SPATA9: variants seen among roughly 807,000 people sequenced by gnomAD.
SPATA9 encodes the protein spermatogenesis associated 9, also known as spermatogenesis-associated protein 9.
Under a neutral mutation model 25.5 loss-of-function variants are expected in SPATA9, and 27 were observed. That is an observed-to-expected ratio of 1.06 (90% CI 0.78 to 1.46). The LOEUF (loss-of-function observed/expected upper bound fraction) is 1.46. Among genes scored for constraint, SPATA9 ranks in the 40% most tolerant of loss-of-function variants. The pLI, the probability that SPATA9 is intolerant of heterozygous loss-of-function variation, is 0.00. For synonymous variants in SPATA9, 102 were observed against 105.7 expected (o/e 0.97, Z 0.21); for missense variants, 282 against 297.5 (o/e 0.95, Z 0.38).
At chr5:95,669,151 A>T (rs1270706978) in intron 3 of SPATA9, among the ~76,000 whole-genome samples, 1 of 152,340 alleles carries the variant, frequency 6.6e-6, no homozygotes, top group East Asian at 1.9e-4. Context: ...CAGTGTTAAC[A>T]TTCTGTAGAA....
the SPATA9 span, among the ~76,000 whole-genome samples, chr5:95,722,095 C>T: frequency 1.3e-5 from 2 of 152,204 alleles, no homozygotes; most frequent in African/African-American, 4.8e-5. Flanking sequence ...TCTGTGATAG[C>T]TTCTGAATAA....
Position 95,682,942 on chromosome 5 carries a change from G to T in SPATA9, c.-88C>A. 7.1e-7 allele frequency: 1 copy of T among 1,401,408 alleles called. No individual in the cohort carries two copies. The highest frequency in any genetic ancestry group is 2.5e-5 in the East Asian group (1 of 39,506). The allele number at this position is 1,401,408 out of a possible 1,614,324, so 86.8% of individuals were successfully genotyped here. A position where few individuals can be genotyped will look rare whatever the true frequency, so the allele number is the denominator to read the frequency against. On this transcript the variant is annotated 5_prime_UTR_variant, in exon 1 of 5. Coordinates refer to ENST00000274432, the MANE Select transcript of SPATA9 (RefSeq NM_031952.4). ...TAGTCTGCCATTAGTGAAAGATGAG[G>T]GTAGCCTTCCACTTGGGAAAGCCAG...
At chr5:95,683,914 T>C (rs538546346), upstream of SPATA9, among the ~76,000 whole-genome samples, 1 of 152,262 alleles carries the variant, frequency 6.6e-6, no homozygotes, top group South Asian at 2.1e-4. Context: ...CCCTCATATT[T>C]AATTGCAGCT....
the SPATA9 span, among the ~76,000 whole-genome samples, chr5:95,715,190 G>GGC: frequency 3.9e-5 from 6 of 151,992 alleles, no homozygotes; most frequent in South Asian, 2.1e-4. Context: ...TGGGCGTGGT[G>GGC]GTGCATGCCT....
intron 1 of SPATA9, among the ~76,000 whole-genome samples, chr5:95,696,094 A>G (rs187623): frequency 0.57 from 86,397 of 151,988 alleles, 24,733 homozygotes; most frequent in East Asian, 0.8. Context: ...ATCCTCACCC[A>G]GTGAAGCCTT....
At chr5:95,685,258 G>A (rs1352119984), upstream of SPATA9, among the ~76,000 whole-genome samples, 2 of 152,196 alleles carry the variant, frequency 1.3e-5, no homozygotes, top group Non-Finnish European at 2.9e-5. Context: ...TCAATGCTGG[G>A]CTTGCCCGAT....
At chr5:95,671,083 A>T (rs942555442) in intron 3 of SPATA9, among the ~76,000 whole-genome samples, 2 of 152,122 alleles carry the variant, frequency 1.3e-5, no homozygotes, top group East Asian at 3.8e-4. Flanking sequence ...ATGTTCTCCA[A>T]ATAAGTCATG....
chr5:95,716,257 G>T, the SPATA9 span, among the ~76,000 whole-genome samples: 4 of 152,150 alleles, frequency 2.6e-5, no homozygotes, highest in Non-Finnish European at 5.9e-5. Context: ...GACGCTCAAC[G>T]CCAGCCCATG....
At chr5:95,693,997 C>G (rs149132089) in intron 1 of SPATA9, among the ~76,000 whole-genome samples, 1 of 152,104 alleles carries the variant, frequency 6.6e-6, no homozygotes, top group East Asian at 1.9e-4. Flanking sequence ...CCCATCTCTT[C>G]AAAACATAAA....
intron 2 of SPATA9, among the ~76,000 whole-genome samples, chr5:95,677,877 TTA>T (rs1301901214): frequency 6.6e-6 from 1 of 152,252 alleles, no homozygotes; most frequent in Non-Finnish European, 1.5e-5. Flanking sequence ...TTAAAATTTT[TTA>T]GATACCCAAT....
chr5:95,656,209 AC>A (rs1313835414), downstream of SPATA9: 1 of 1,614,038 alleles, frequency 6.2e-7, no homozygotes, highest in Non-Finnish European at 8.5e-7. Flanking sequence ...GTGACAGTAG[AC>A]AACGGAAATA....
At chr5:95,725,827 GT>G in the SPATA9 span, among the ~76,000 whole-genome samples, 1 of 142,854 alleles carries the variant, frequency 7.0e-6, no homozygotes, top group Non-Finnish European at 1.5e-5. Flanking sequence ...TTTTTTGAAT[GT>G]TTAGTCAAAA....
chr5:95,668,902 T>G (rs1451534820), intron 3 of SPATA9, among the ~76,000 whole-genome samples: 1 of 152,184 alleles, frequency 6.6e-6, no homozygotes, highest in Admixed American at 6.5e-5. Flanking sequence ...CCCATGTAGT[T>G]TACATTGTCC....
chr5:95,708,531 T>C, the SPATA9 span: 1 of 694,354 alleles, frequency 1.4e-6, no homozygotes, highest in Non-Finnish European at 2.6e-6. Context: ...AAGTTACAAA[T>C]GTCCAATCAG....
At chr5:95,708,333 A>G in the SPATA9 span, among the ~76,000 whole-genome samples, 2 of 152,132 alleles carry the variant, frequency 1.3e-5, no homozygotes, top group Admixed American at 1.3e-4. Context: ...GATGGTGAAC[A>G]TAGTGCCAAC....
chr5:95,700,920 T>C (rs1287509337), upstream of SPATA9, among the ~76,000 whole-genome samples: 5 of 152,218 alleles, frequency 3.3e-5, no homozygotes, highest in Non-Finnish European at 5.9e-5. Flanking sequence ...ATATTTTCCT[T>C]TTTATCACTT....
upstream of SPATA9, among the ~76,000 whole-genome samples, chr5:95,687,906 A>G (rs1753789696): frequency 6.6e-6 from 1 of 152,248 alleles, no homozygotes; most frequent in Non-Finnish European, 1.5e-5. Context: ...TAGGCACTCA[A>G]TAAATCTTTC....
intron 2 of SPATA9, among the ~76,000 whole-genome samples, chr5:95,679,401 G>T (rs548142754): frequency 6.6e-6 from 1 of 152,098 alleles, no homozygotes; most frequent in Non-Finnish European, 1.5e-5. Context: ...TTATACCAAG[G>T]CTAGGGGAAT....
the SPATA9 span, among the ~76,000 whole-genome samples, chr5:95,715,317 C>T: frequency 1.2e-4 from 17 of 142,566 alleles, no homozygotes; most frequent in South Asian, 3.8e-3. Context: ...AGAGAGATTC[C>T]ATCTCAAAAA....
Sources: gnomAD v4.1 joint callset for allele counts (sites outside exome capture counted in the v4.1 genomes callset) on GRCh38, gnomAD v4.1.1 for gene constraint, MANE v1.5 for transcripts, NCBI Gene and HGNC (gene_info 2026-07-23, HGNC 2026-07-21) for gene names.